The following RTN4RL1 variants were observed in gnomAD, a reference collection of about 807,000 sequenced individuals.
The protein encoded by RTN4RL1 is reticulon 4 receptor like 1.
Under a neutral mutation model 25.6 loss-of-function variants are expected in RTN4RL1, and 7 were observed. The ratio of observed to expected loss-of-function variants is 0.27; its 90% confidence interval spans 0.16 to 0.51. The LOEUF (loss-of-function observed/expected upper bound fraction) is 0.51. RTN4RL1 is among the 20% of genes least tolerant of loss of function. RTN4RL1 has a pLI of 0.97. For missense variants in RTN4RL1, 500 were observed against 615.6 expected, an observed-to-expected ratio of 0.81 and a Z score of 1.99; for synonymous variants, 297 against 288.2, an observed-to-expected ratio of 1.03 and a Z score of -0.31.
chr17:1,947,665 C>T (rs1439157145), intron 1 of RTN4RL1, among the ~76,000 whole-genome samples: 4 of 152,196 alleles, frequency 2.6e-5, no homozygotes, highest in Non-Finnish European at 4.4e-5. Flanking sequence ...CTAATTAGGC[C>T]GCCACATTCT....
chr17:2,017,644 G>A (rs1000909305), intron 1 of RTN4RL1: 8 of 152,142 alleles, frequency 5.3e-5, no homozygotes, highest in Non-Finnish European at 1.2e-4. Context: ...ACACTACAGG[G>A]AGCCTGTTGC....
At chr17:1,962,660 T>A (rs891927059) in intron 1 of RTN4RL1, among the ~76,000 whole-genome samples, 1 of 151,326 alleles carries the variant, frequency 6.6e-6, no homozygotes, top group Non-Finnish European at 1.5e-5. Context: ...AGGTCAGGAG[T>A]TCGAGATCAG....
At chr17:1,957,467 G>A (rs569862116) in intron 1 of RTN4RL1, among the ~76,000 whole-genome samples, 288 of 152,264 alleles carry the variant, frequency 1.9e-3, no homozygotes, top group Non-Finnish European at 2.9e-3. Flanking sequence ...CCACATACAC[G>A]CTTTGAACAG....
intron 1 of RTN4RL1, 73 bp from the exon 2 acceptor site, chr17:1,937,881 C>A: frequency 6.8e-6 from 8 of 1,170,240 alleles, no homozygotes; most frequent in African/African-American, 1.5e-5. Context: ...CTCCGGCGCC[C>A]GCCGAGGACG....
At chr17:2,016,743 C>T (rs951545853) in intron 1 of RTN4RL1, among the ~76,000 whole-genome samples, 1 of 152,240 alleles carries the variant, frequency 6.6e-6, no homozygotes, top group Non-Finnish European at 1.5e-5. Context: ...AGCGCCAGAG[C>T]ATAGCCATTG....
intron 1 of RTN4RL1, among the ~76,000 whole-genome samples, chr17:2,011,038 G>A (rs535128965): frequency 6.2e-4 from 95 of 152,236 alleles, no homozygotes; most frequent in African/African-American, 2.1e-3. Flanking sequence ...GATCACCTGA[G>A]GTCTGGAGTT....
At chr17:1,965,350 G>A (rs571015814) in intron 1 of RTN4RL1, among the ~76,000 whole-genome samples, 2 of 152,158 alleles carry the variant, frequency 1.3e-5, no homozygotes, top group African/African-American at 4.8e-5. Flanking sequence ...GACCTCAGGT[G>A]ATCCGCCCAC....
chr17:2,005,859 C>T (rs2066991343), intron 1 of RTN4RL1, among the ~76,000 whole-genome samples: 2 of 150,658 alleles, frequency 1.3e-5, no homozygotes, highest in Admixed American at 1.3e-4. Context: ...TGCAGTGGCG[C>T]AATCTCGGTT....
chr17:2,007,336 C>A lies in RTN4RL1; in HGVS notation c.13+17517G>T, dbSNP rs559020074. On this transcript the variant is annotated intron_variant, in intron 1 of 1. Transcript: ENST00000331238. Reference sequence around the variant, plus strand: ...CAGACCTAGGCCATGTTCACAGCCCCAACACACACACACACACACACACAC... The same window carrying A: ...CAGACCTAGGCCATGTTCACAGCCCAAACACACACACACACACACACACAC... Among the ~76,000 whole-genome samples, 131 of 51,844 alleles carry A rather than the reference C, an allele frequency of 2.5e-3. 2 individuals are homozygous for A. In the South Asian group the frequency reaches 0.045, roughly 18 times the overall value. The allele number at this position is 51,844 out of a possible 152,430, so 34.0% of individuals were successfully genotyped here.
intron 1 of RTN4RL1, among the ~76,000 whole-genome samples, chr17:1,993,249 A>G (rs148898000): frequency 0.025 from 3,850 of 152,266 alleles, 181 homozygotes; most frequent in South Asian, 0.18. Context: ...CTCTGTCTCA[A>G]AAAAAGAAAA....
At chr17:1,983,729 C>T (rs1395747546) in intron 1 of RTN4RL1, among the ~76,000 whole-genome samples, 2 of 151,778 alleles carry the variant, frequency 1.3e-5, no homozygotes, top group Non-Finnish European at 2.9e-5. Flanking sequence ...TTTGTAGAGA[C>T]GGGGTCTTAC....
At chr17:1,999,176 G>A (rs1396606015) in intron 1 of RTN4RL1, among the ~76,000 whole-genome samples, 1 of 147,524 alleles carries the variant, frequency 6.8e-6, no homozygotes, top group African/African-American at 2.5e-5. Context: ...GGCCGGGCGC[G>A]GTGGCTCACG....
chr17:2,016,141 G>T (rs537623084), intron 1 of RTN4RL1, among the ~76,000 whole-genome samples: 1 of 152,356 alleles, frequency 6.6e-6, no homozygotes, highest in Non-Finnish European at 1.5e-5. Flanking sequence ...AGCACTTTGG[G>T]AGGCCGAGTT....
chr17:2,008,095 C>T (rs1160263494), intron 1 of RTN4RL1, among the ~76,000 whole-genome samples: 1 of 151,824 alleles, frequency 6.6e-6, no homozygotes, highest in Non-Finnish European at 1.5e-5. Flanking sequence ...CATGGAGAAA[C>T]CCCGTCTCTA....
chr17:1,946,382 G>A (rs763935622), intron 1 of RTN4RL1, among the ~76,000 whole-genome samples: 2 of 152,254 alleles, frequency 1.3e-5, no homozygotes, highest in Non-Finnish European at 2.9e-5. Context: ...CCAGGAGGCC[G>A]GCCTGGGCCC....
intron 1 of RTN4RL1, among the ~76,000 whole-genome samples, chr17:1,976,641 C>T (rs2066843787): frequency 6.6e-6 from 1 of 152,144 alleles, no homozygotes; most frequent in South Asian, 2.1e-4. Context: ...ATCTGAGTAC[C>T]TAGTTACAGT....
At chr17:1,999,739 G>A (rs2066948355) in intron 1 of RTN4RL1, among the ~76,000 whole-genome samples, 1 of 152,184 alleles carries the variant, frequency 6.6e-6, no homozygotes, top group Non-Finnish European at 1.5e-5. Context: ...GGCTGGGGAA[G>A]AGCTGCAGCC....
rs2067251480 is a variant in RTN4RL1, at chr17:2,024,780, C to A, written c.13+73G>T. On this transcript the variant is annotated intron_variant, in intron 1 of 1. Transcript: ENST00000331238. The stretch of plus-strand genomic sequence containing the variant: ...CTTCCCAGACCGGGAGCCCCGGCGC[C>A]GGGCGGCGCCCGGGCTCGCGGCTCT... 6.0e-6 allele frequency: 9 copies of A among 1,491,398 alleles called. No individual in the cohort carries two copies. The Admixed American group carries it at 6.7e-5, about 11-fold the overall frequency. 92.4% of individuals were successfully genotyped at this position (1,491,398 alleles called of 1,614,324 possible). A position where few individuals can be genotyped will look rare whatever the true frequency, so the allele number is the denominator to read the frequency against.
At position 1,936,304 on chromosome 17, in the gene RTN4RL1, C is replaced by A; in HGVS notation, c.*192G>T. On this transcript the variant is annotated 3_prime_UTR_variant, in exon 2 of 2. Transcript: ENST00000331238. ...GGACAGCCGGCTGAGAAGCGCCACC[C>A]CCTCCCGCCTAGGGCTGTACACTTT... is the stretch of plus-strand genomic sequence containing the variant. 7.3e-7 allele frequency: 1 copy of A among 1,377,394 alleles called. No homozygotes were observed. The highest frequency in any genetic ancestry group is 9.3e-7 in the Non-Finnish European group (1 of 1,072,816). The allele number at this position is 1,377,394 out of a possible 1,614,324, so 85.3% of individuals were successfully genotyped here.
Sources: gnomAD v4.1 joint callset for allele counts (sites outside exome capture counted in the v4.1 genomes callset) on GRCh38, gnomAD v4.1.1 for gene constraint, MANE v1.5 for transcripts, NCBI Gene and HGNC (gene_info 2026-07-23, HGNC 2026-07-21) for gene names.